Variants in SACS observed in about 807,000 individuals in gnomAD.
The protein encoded by SACS is sacsin molecular chaperone.
Under a neutral mutation model 348.0 loss-of-function variants are expected in SACS, and 197 were observed. That is an observed-to-expected ratio of 0.57 (90% confidence interval 0.50 to 0.64). SACS has a LOEUF of 0.64. Among genes scored for constraint, SACS ranks in the 30% least tolerant of loss-of-function variants. The pLI, the probability that SACS is intolerant of heterozygous loss-of-function variation, is 0.00. For synonymous variants in SACS, 1,985 were observed against 1,910.6 expected, an observed-to-expected ratio of 1.04 and a Z score of -1.02; for missense variants, 4,999 against 5,360.8, an observed-to-expected ratio of 0.93 and a Z score of 2.11.
At chr13:23,391,840 A>G (rs1341562586) in intron 2 of SACS, among the ~76,000 whole-genome samples, 1 of 143,310 alleles carries the variant, frequency 7.0e-6, no homozygotes, top group Non-Finnish European at 1.6e-5. Context: ...GATTGGCAGG[A>G]AAGTACTGCA....
At chr13:23,364,257 T>C in intron 6 of SACS, among the ~76,000 whole-genome samples, 1 of 152,232 alleles carries the variant, frequency 6.6e-6, no homozygotes, top group Non-Finnish European at 1.5e-5. Flanking sequence ...TCAGAAGGTC[T>C]GACTTGATCC....
intron 2 of SACS, among the ~76,000 whole-genome samples, chr13:23,401,858 AT>A (rs1276409695): frequency 6.6e-6 from 1 of 152,184 alleles, no homozygotes; most frequent in Non-Finnish European, 1.5e-5. Context: ...GGCATTCCTT[AT>A]TAACTTTGAG....
intron 4 of SACS, among the ~76,000 whole-genome samples, chr13:23,369,094 A>G (rs2137804909): frequency 6.6e-6 from 1 of 152,354 alleles, no homozygotes; most frequent in African/African-American, 2.4e-5. Flanking sequence ...TGCAGTGGGG[A>G]GGAGTGTTGA....
chr13:23,380,681 A>C lies in SACS; in HGVS notation c.21-5412T>G, dbSNP rs573084872. Among the ~76,000 whole-genome samples, 44 of 152,326 alleles carry C rather than the reference A, an allele frequency of 2.9e-4. No individual in the cohort carries two copies. In the East Asian group the frequency reaches 8.3e-3, roughly 29 times the overall value. The stretch of plus-strand genomic sequence containing the variant: ...TATTGTTTCTACTTTACACATGATG[A>C]AAGACAGAGTCAGGAACGTTGTAAT... On this transcript the variant is annotated intron_variant, in intron 2 of 9. Coordinates refer to ENST00000382292, the MANE Select transcript of SACS (RefSeq NM_014363.6).
Position 23,354,850 on chromosome 13 carries a change from T to C in SACS, c.1762A>G (p.Lys588Glu), listed in dbSNP as rs376186273. ...SELDENLEYT[K>E]TVLNYLQSSG... is the part of the protein sequence containing the mutation. ...CTCTGGAGGTAGTTGAGCACAGTTT[T>C]TGTGTATTCTAAATTTTCATCAAGT... Residue 588 changes from lysine (K) to glutamate (E), a missense_variant, in exon 8 of 10, where the codon AAA (lysine) becomes GAA (glutamate). By Grantham distance (56) the Lys-to-Glu change is moderately conservative. Coordinates refer to ENST00000382292, the MANE Select transcript of SACS (RefSeq NM_014363.6). 1.9e-5 allele frequency: 31 copies of C among 1,614,118 alleles called. No individual in the cohort carries two copies. The highest frequency in any genetic ancestry group is 2.5e-5 in the Non-Finnish European group (30 of 1,180,054).
chr13:23,423,688 A>G (rs1259690612), intron 1 of SACS, among the ~76,000 whole-genome samples: 2 of 152,220 alleles, frequency 1.3e-5, no homozygotes, highest in Non-Finnish European at 2.9e-5. Context: ...ACAAGTTCCA[A>G]ACACACATTT....
chr13:23,340,094 T>C lies in SACS; in HGVS notation c.3782A>G (p.Asp1261Gly), dbSNP rs1247905603. ...AGAATCTTTCCCTTCATTTAGATGA[T>C]CATGCATGAATCCGTAAATCTCAAG... is the stretch of plus-strand genomic sequence containing the variant. ...ILLEIYGFMH[D>G]HLNEGKDSFR... is the part of the protein sequence containing the mutation. The change falls in exon 10 of 10, where the codon GAT becomes GGT. Residue 1261 changes from aspartate (D) to glycine (G), a missense_variant. By Grantham distance (94) the Asp-to-Gly change is moderately conservative (BLOSUM62 -1). Around this residue, in one of 6 missense-constraint regions of SACS, gnomAD observed 3,156 missense variants for 3,380.1 expected, o/e 0.93. Coordinates refer to ENST00000382292, the MANE Select transcript of SACS (RefSeq NM_014363.6). 4 of 1,614,082 alleles carry C rather than the reference T, an allele frequency of 2.5e-6. No homozygotes were observed. The highest frequency in any genetic ancestry group is 1.3e-5 in the African/African-American group (1 of 75,050).
At position 23,411,553 on chromosome 13, in the gene SACS, A is replaced by G. The variant is rs1281979125; in HGVS notation, c.-314T>C. The G allele has an allele frequency of 1.3e-5, 4 of 319,454 alleles. No individual in the cohort carries two copies. The highest frequency in any genetic ancestry group is 8.6e-5 in the African/African-American group (4 of 46,468). The allele number at this position is 319,454 out of a possible 1,614,324, so 19.8% of individuals were successfully genotyped here. A position where few individuals can be genotyped will look rare whatever the true frequency, so the allele number is the denominator to read the frequency against. ...CGCTAAAGGTTTTTGGCTTTCCCCCAGAGCAAAATCAATTTATTTTCATCT... is the reference window on the plus strand; with the variant it reads ...CGCTAAAGGTTTTTGGCTTTCCCCCGGAGCAAAATCAATTTATTTTCATCT... On this transcript the variant is annotated 5_prime_UTR_variant, in exon 2 of 10. Transcript: ENST00000382292.
chr13:23,376,437 A>G (rs1443159327), intron 2 of SACS, among the ~76,000 whole-genome samples: 1 of 152,198 alleles, frequency 6.6e-6, no homozygotes, highest in Non-Finnish European at 1.5e-5. Context: ...TACATCATGA[A>G]CAAGTAAACT....
chr13:23,343,284 C>T (rs1647719805), intron 9 of SACS, among the ~76,000 whole-genome samples: 1 of 152,018 alleles, frequency 6.6e-6, no homozygotes, highest in African/African-American at 2.4e-5. Context: ...AAAATAACAC[C>T]ATACATCTAC....
At chr13:23,347,429 A>C (rs557789923) in intron 9 of SACS, among the ~76,000 whole-genome samples, 9 of 152,100 alleles carry the variant, frequency 5.9e-5, no homozygotes, top group African/African-American at 1.9e-4. Flanking sequence ...GGACTGCTAC[A>C]GTTCTGTGAG....
rs185216231 is a variant in SACS, at chr13:23,407,224, A to G, written c.20+3996T>C. Among the ~76,000 whole-genome samples the G allele has an allele frequency of 1.5e-3, 222 of 152,216 alleles. 1 individual carries two copies. The highest frequency in any genetic ancestry group is 3.4e-3 in the Middle Eastern group (1 of 294). On this transcript the variant is annotated intron_variant, in intron 2 of 9. Coordinates refer to ENST00000382292, the MANE Select transcript of SACS (RefSeq NM_014363.6). ...TATTTATTTATTTTTTTCAAGACGGAGTCTTGCTCTGTTGTCCAGGCTGGA... is the reference window on the plus strand; with the variant it reads ...TATTTATTTATTTTTTTCAAGACGGGGTCTTGCTCTGTTGTCCAGGCTGGA...
At position 23,335,461 on chromosome 13, in the gene SACS, AG is replaced by A. The variant is rs778494817; in HGVS notation, c.8414del (p.Thr2805IlefsTer15). The A allele has an allele frequency of 6.2e-7, 1 of 1,613,776 alleles. No individual in the cohort carries two copies. The highest frequency in any genetic ancestry group is 8.5e-7 in the Non-Finnish European group (1 of 1,179,870). ...TTCCTTCAGAGTCCTCAGTATCCAT[AG>A]TATAGGTTATTTGTTGAACTGGTAT... is the stretch of plus-strand genomic sequence containing the variant. Reference protein sequence around the residue: ...KDIPVQQITYTMDTEDSEGNL... With the variant: ...KDIPVQQITYXMDTEDSEGNL... On this transcript the variant is annotated frameshift_variant, in exon 10 of 10. Coordinates refer to ENST00000382292, the MANE Select transcript of SACS (RefSeq NM_014363.6). LOFTEE classifies it high-confidence loss of function. This position sits in a 1 kb window ranked among gnomAD's most constrained non-coding sequence, Gnocchi z 4.7.
In SACS at chr13:23,331,992, T is replaced by A. The variant is rs746953932; in HGVS notation, c.11884A>T (p.Ile3962Leu). The A allele has an allele frequency of 5.5e-5, 89 of 1,613,996 alleles. No homozygotes were observed. Among genetic ancestry groups the A allele is most frequent in the Non-Finnish European group, 1.0e-5 (12 of 1,179,972 alleles). Residue 3962 changes from isoleucine (I) to leucine (L), a missense_variant, in exon 10 of 10, where the codon ATA becomes TTA. Coordinates refer to ENST00000382292, the MANE Select transcript of SACS (RefSeq NM_014363.6). Reference protein sequence around the residue: ...GKDHGFHTKLIMLFPQKLRPR... With the variant: ...GKDHGFHTKLLMLFPQKLRPR... The stretch of plus-strand genomic sequence containing the variant: ...CTAAGTTTTTGAGGAAAGAGCATTA[T>A]CAACTTAGTGTGAAATCCATGGTCT...
At chr13:23,408,001 G>A (rs1278041440) in intron 2 of SACS, among the ~76,000 whole-genome samples, 1 of 152,122 alleles carries the variant, frequency 6.6e-6, no homozygotes, top group Non-Finnish European at 1.5e-5. Context: ...ATCCTCAGCT[G>A]TCTGTGCTGT....
chr13:23,394,346 T>C (rs9510717), intron 2 of SACS, among the ~76,000 whole-genome samples: 32,924 of 152,060 alleles, frequency 0.22, 3,894 homozygotes, highest in African/African-American at 0.31. Context: ...GCAAGAATCC[T>C]CTACCCTTGA....
chr13:23,339,600 T>C lies in SACS; in HGVS notation c.4276A>G (p.Ile1426Val), dbSNP rs771667607. The C allele has an allele frequency of 9.9e-6, 16 of 1,612,306 alleles. No homozygotes were observed. The African/African-American group carries it at 1.7e-4, about 17-fold the overall frequency. The change falls in exon 10 of 10, where the codon ATA becomes GTA. Residue 1426 changes from isoleucine (I) to valine (V), a missense_variant. Ile to Val is a conservative substitution (Grantham distance 29). Coordinates refer to ENST00000382292, the MANE Select transcript of SACS (RefSeq NM_014363.6). Reference protein sequence around the residue: ...VEPIILVHEDIPMKTAEWLKV... With the variant: ...VEPIILVHEDVPMKTAEWLKV... ...AGCCATTCTGCAGTTTTCATGGGTA[T>C]GTCCTCATGCACCAAAATGATTGGT...
chr13:23,413,395 A>C (rs576250047), intron 1 of SACS, among the ~76,000 whole-genome samples: 1 of 152,338 alleles, frequency 6.6e-6, no homozygotes, highest in South Asian at 2.1e-4. Flanking sequence ...TATCATACTA[A>C]ATTTCAAGTA....
At chr13:23,393,408 G>C (rs1289651834) in intron 2 of SACS, among the ~76,000 whole-genome samples, 4 of 152,078 alleles carry the variant, frequency 2.6e-5, no homozygotes, top group Non-Finnish European at 4.4e-5. Flanking sequence ...TGGGTTACTG[G>C]CACTAGGTCA....
Sources: allele counts gnomAD v4.1 joint callset (sites outside exome capture counted in the v4.1 genomes callset), GRCh38; gene constraint gnomAD v4.1.1; regional missense constraint gnomAD v4.1.1; non-coding constraint Gnocchi (gnomAD v3.1); transcripts MANE v1.5; gene names NCBI Gene and HGNC (gene_info 2026-07-23, HGNC 2026-07-21).